Variants in AFF2 observed in about 807,000 individuals in gnomAD.
AFF2 encodes the protein ALF transcription elongation factor 2.
Under a neutral mutation model 76.9 loss-of-function variants are expected in AFF2, and 14 were observed. That is an observed-to-expected ratio of 0.18 (90% confidence interval 0.12 to 0.28). The LOEUF (loss-of-function observed/expected upper bound fraction) is 0.28. Among genes scored for constraint, AFF2 ranks in the 10% least tolerant of loss-of-function variants. AFF2 has a pLI of 1.00. For synonymous variants in AFF2, 398 were observed against 366.7 expected (o/e 1.09, Z -0.98); for missense variants, 868 against 1,001.1 (o/e 0.87, Z 1.79).
chrX:148,679,231 A>G (rs149569850), intron 3 of AFF2, among the ~76,000 whole-genome samples: 3,458 of 103,903 alleles, frequency 0.033, 171 homozygotes, highest in African/African-American at 0.12. Context: ...ATACTAGATG[A>G]CTGCTAAGAA....
chrX:148,922,506 A>G (rs1267952667), intron 9 of AFF2, among the ~76,000 whole-genome samples: 1 of 112,150 alleles, frequency 8.9e-6, no homozygotes, highest in African/African-American at 3.2e-5. Context: ...GAATAATTCA[A>G]ATGCAGCACC....
At position 148,661,983 on chromosome X, in the gene AFF2, A is replaced by C. The variant is rs2124468283; in HGVS notation, c.256A>C (p.Thr86Pro). Residue 86 changes from threonine to proline, a missense_variant, in exon 3 of 21, where the codon ACT becomes CCT. By Grantham distance (38) the Thr-to-Pro change is conservative. Coordinates refer to ENST00000370460, the MANE Select transcript of AFF2 (RefSeq NM_002025.4). ...CTATGATGAAATGAAGAATTTGCTAACTAACCATTCTAATCAGAATCACCT... is the reference window on the plus strand; with the variant it reads ...CTATGATGAAATGAAGAATTTGCTACCTAACCATTCTAATCAGAATCACCT... Reference protein sequence around the residue: ...GNYDEMKNLLTNHSNQNHLVG... With the variant: ...GNYDEMKNLLPNHSNQNHLVG... 1.7e-6 allele frequency: 2 copies of C among 1,209,003 alleles called. No homozygotes were observed. The highest frequency in any genetic ancestry group is 2.2e-6 in the Non-Finnish European group (2 of 892,984).
At chrX:148,511,145 T>C (rs2052477945) in intron 1 of AFF2, among the ~76,000 whole-genome samples, 1 of 111,997 alleles carries the variant, frequency 8.9e-6, no homozygotes, top group African/African-American at 3.2e-5. Context: ...ATCAGATTTG[T>C]GTACAGCATT....
intron 12 of AFF2, 45 bp from the exon 13 acceptor site, chrX:148,962,668 AAG>A (rs782523020): frequency 9.4e-7 from 1 of 1,064,658 alleles, no homozygotes; most frequent in South Asian, 2.0e-5. Context: ...AATCAGAATA[AAG>A]AGAGAGAAGA....
At chrX:148,846,531 A>G (rs782423660) in intron 7 of AFF2, among the ~76,000 whole-genome samples, 92 of 112,208 alleles carry the variant, frequency 8.2e-4, no homozygotes, top group Non-Finnish European at 1.5e-3. Flanking sequence ...AATTAAATCT[A>G]GCAACATAAA....
chrX:148,848,401 TA>T (rs1460052830), intron 7 of AFF2, among the ~76,000 whole-genome samples: 1 of 112,224 alleles, frequency 8.9e-6, no homozygotes, highest in Non-Finnish European at 1.9e-5. Context: ...ATATTTTTGC[TA>T]AAAAACAATT....
intron 1 of AFF2, among the ~76,000 whole-genome samples, chrX:148,536,859 T>A (rs782162881): frequency 1.8e-5 from 2 of 109,224 alleles, no homozygotes; most frequent in Non-Finnish European, 3.8e-5. Flanking sequence ...AGCCAATAGG[T>A]TTTTTTTTAG....
intron 1 of AFF2, among the ~76,000 whole-genome samples, chrX:148,511,901 CATTATTTT>C (rs1164629475): frequency 8.9e-6 from 1 of 112,318 alleles, no homozygotes; most frequent in African/African-American, 3.2e-5. Context: ...CACCCCTGAA[CATTATTTT>C]ATTATTTTCA....
At chrX:148,632,325 AC>A (rs2053988631) in intron 1 of AFF2, among the ~76,000 whole-genome samples, 1 of 111,740 alleles carries the variant, frequency 8.9e-6, no homozygotes, top group African/African-American at 3.3e-5. Flanking sequence ...TTTAATATTT[AC>A]ACATTACATA....
chrX:148,741,141 G>T (rs1338016659), intron 3 of AFF2, among the ~76,000 whole-genome samples: 1 of 111,688 alleles, frequency 9.0e-6, no homozygotes, highest in Non-Finnish European at 1.9e-5. Flanking sequence ...CCAGGGGGTG[G>T]TGCCTTACAG....
intron 8 of AFF2, among the ~76,000 whole-genome samples, chrX:148,893,224 G>T (rs2071244701): frequency 8.9e-6 from 1 of 111,845 alleles, no homozygotes; most frequent in Admixed American, 9.5e-5. Flanking sequence ...AATAACATTG[G>T]CCTTCATATT....
chrX:148,743,127 G>A (rs1205300263), intron 3 of AFF2, among the ~76,000 whole-genome samples: 1 of 111,663 alleles, frequency 9.0e-6, no homozygotes, highest in Non-Finnish European at 1.9e-5. Flanking sequence ...TTTCTTTTCA[G>A]CTTGCAGTTC....
chrX:148,902,651 G>C (rs2071366505), intron 8 of AFF2, among the ~76,000 whole-genome samples: 1 of 111,546 alleles, frequency 9.0e-6, no homozygotes, highest in Non-Finnish European at 1.9e-5. Flanking sequence ...ACTGCAAATG[G>C]ACAGCAAATG....
At chrX:148,965,128 G>C in intron 13 of AFF2, among the ~76,000 whole-genome samples, 1 of 111,909 alleles carries the variant, frequency 8.9e-6, no homozygotes, top group Non-Finnish European at 1.9e-5. Context: ...CAAGCTAGCA[G>C]ACAGCAGATT....
chrX:148,521,113 C>A (rs139323661), intron 1 of AFF2, among the ~76,000 whole-genome samples: 1 of 111,307 alleles, frequency 9.0e-6, no homozygotes, highest in Non-Finnish European at 1.9e-5. Flanking sequence ...TTCCTTCTCA[C>A]AGGGGTTTGG....
chrX:148,579,355 A>C (rs1557243993), intron 1 of AFF2, among the ~76,000 whole-genome samples: 1 of 111,610 alleles, frequency 9.0e-6, no homozygotes, highest in Non-Finnish European at 1.9e-5. Context: ...AGTAGTGCAC[A>C]CATCTATAGG....
At chrX:148,601,146 A>G (rs782633402) in intron 1 of AFF2, among the ~76,000 whole-genome samples, 2 of 112,705 alleles carry the variant, frequency 1.8e-5, no homozygotes, top group Non-Finnish European at 3.7e-5. Context: ...TTGCTACTTA[A>G]GTACTAATTT....
rs1235232774 is a variant in AFF2 at position 148,999,784 on chromosome X, G to A, written c.*8452G>A. 4 of 112,453 alleles carry A rather than the reference G, an allele frequency of 3.6e-5. No individual in the cohort carries two copies. The highest frequency in any genetic ancestry group is 1.3e-4 in the African/African-American group (4 of 30,949). 9.3% of individuals were successfully genotyped at this position (112,453 alleles called of 1,213,427 possible). A position where few individuals can be genotyped will look rare whatever the true frequency, so the allele number is the denominator to read the frequency against. ...AATTCCTTTCCTCTTGGAAGCTTTG[G>A]TCATAATATCATGGTTCAATTAAAC... On this transcript the variant is annotated 3_prime_UTR_variant, in exon 21 of 21. Transcript: ENST00000370460.
chrX:148,755,641 A>C (rs782204743), intron 3 of AFF2, among the ~76,000 whole-genome samples: 30 of 112,562 alleles, frequency 2.7e-4, no homozygotes, highest in African/African-American at 8.7e-4. Context: ...ATTTCTAATT[A>C]GAAAATCAAA....
Sources: gnomAD v4.1 joint callset for allele counts (sites outside exome capture counted in the v4.1 genomes callset) on GRCh38, gnomAD v4.1.1 for gene constraint, MANE v1.5 for transcripts, NCBI Gene and HGNC (gene_info 2026-07-23, HGNC 2026-07-21) for gene names.